AKAP17A: variants seen among roughly 807,000 people sequenced by gnomAD.
The protein encoded by AKAP17A is A-kinase anchor protein 17A.
Under a neutral mutation model 52.2 loss-of-function variants are expected in AKAP17A, and 15 were observed. The ratio of observed to expected loss-of-function variants is 0.29; its 90% CI spans 0.19 to 0.44. The LOEUF is 0.44. AKAP17A is among the 20% of genes least tolerant of loss of function. AKAP17A has a pLI of 1.00. For missense variants in AKAP17A, 1,060 were observed against 1,007.0 expected, an observed-to-expected ratio of 1.05 and a Z score of -0.71; for synonymous variants, 514 against 424.7, an observed-to-expected ratio of 1.21 and a Z score of -2.58.
At chrX:1,592,348 G>A (rs1453189221) in intron 1 of AKAP17A, among the ~76,000 whole-genome samples, 8 of 152,020 alleles carry the variant, frequency 5.3e-5, no homozygotes, top group Non-Finnish European at 1.2e-4. Context: ...ATGCTGGGGG[G>A]CTGCGGTAGG....
At chrX:1,597,792 G>A (rs1187633077) in intron 3 of AKAP17A, among the ~76,000 whole-genome samples, 1 of 152,094 alleles carries the variant, frequency 6.6e-6, no homozygotes, top group Non-Finnish European at 1.5e-5. Flanking sequence ...AAGGGACCCC[G>A]TCTGCCTGGC....
At chrX:1,599,112 T>C (rs1436312499) in intron 3 of AKAP17A, 80 bp from the exon 4 acceptor site, 1 of 1,560,116 alleles carries the variant, frequency 6.4e-7, no homozygotes, top group East Asian at 2.3e-5. Context: ...TGTTCCGCCG[T>C]GTTTGGAAAG....
intron 2 of AKAP17A, among the ~76,000 whole-genome samples, chrX:1,594,881 T>G (rs1932911860): frequency 6.6e-6 from 1 of 152,164 alleles, no homozygotes; most frequent in Non-Finnish European, 1.5e-5. Context: ...CCTCCCAAAG[T>G]GCTGGGATTA....
At chrX:1,596,142 A>G (rs1932965488) in intron 3 of AKAP17A, among the ~76,000 whole-genome samples, 1 of 151,186 alleles carries the variant, frequency 6.6e-6, no homozygotes, top group Non-Finnish European at 1.5e-5. Flanking sequence ...AACAAGCAGA[A>G]TGCCTTGGCT....
In AKAP17A at chrX:1,601,676, C is replaced by T. The variant is rs1448210108; in HGVS notation, c.*82C>T. On this transcript the variant is annotated 3_prime_UTR_variant, in exon 5 of 5. Coordinates refer to ENST00000313871, the MANE Select transcript of AKAP17A (RefSeq NM_005088.3). Reference sequence around the variant, plus strand: ...TCCTGGCCGCTCCTTGGCCGCTCTCCGTCCACCCCTGCAAAGCCAAGACCC... The same window carrying T: ...TCCTGGCCGCTCCTTGGCCGCTCTCTGTCCACCCCTGCAAAGCCAAGACCC... 3.1e-5 allele frequency: 40 copies of T among 1,293,224 alleles called. No homozygotes were observed. The highest frequency in any genetic ancestry group is 5.8e-5 in the East Asian group (2 of 34,476). 80.1% of individuals were successfully genotyped at this position (1,293,224 alleles called of 1,614,324 possible).
chrX:1,591,940 A>G (rs7877519), intron 1 of AKAP17A, among the ~76,000 whole-genome samples, 171 bp downstream of exon 1: 9,470 of 100,820 alleles, frequency 0.094, 692 homozygotes, highest in African/African-American at 0.23. Flanking sequence ...AGCGCCTGAA[A>G]CTGTACGGGG....
intron 3 of AKAP17A, among the ~76,000 whole-genome samples, chrX:1,596,897 T>A (rs2149442745): frequency 1.4e-5 from 2 of 147,582 alleles, no homozygotes; most frequent in African/African-American, 5.1e-5. Context: ...TCTCCGTCCC[T>A]CCCACCCTCC....
Position 1,593,741 on chromosome X carries a change from G to C in AKAP17A, c.279G>C (p.Leu93=). 6.2e-7 allele frequency: 1 copy of C among 1,613,972 alleles called. No individual in the cohort carries two copies. Among genetic ancestry groups the C allele is most frequent in the African/African-American group, 1.3e-5 (1 of 75,044 alleles). Residue 93 remains leucine, a synonymous_variant, in exon 2 of 5, where the codon CTG becomes CTC. Transcript: ENST00000313871. ...VENKSLVKSF[L]ACLDGKTIKL... ...ACAAGAGCCTGGTCAAGTCTTTTCTGGCCTGCCTGGACGGCAAGACCATCA... is the reference window on the plus strand; with the variant it reads ...ACAAGAGCCTGGTCAAGTCTTTTCTCGCCTGCCTGGACGGCAAGACCATCA...
rs146940225 is a variant in AKAP17A, at chrX:1,601,224, G to A, written c.1718G>A (p.Arg573Gln). The A allele has an allele frequency of 6.5e-4, 1,049 of 1,613,848 alleles. 1 individual carries two copies. The highest frequency in any genetic ancestry group is 1.2e-3 in the Middle Eastern group (7 of 6,054). Residue 573 changes from arginine (R) to glutamine (Q), a missense_variant, in exon 5 of 5, where the codon CGG becomes CAG. Around this residue, in one of 2 missense-constraint regions of AKAP17A, gnomAD observed 793 missense variants for 629.9 expected, o/e 1.26. Transcript: ENST00000313871. ...CEQNVSRKDT[R>Q]SEQDKCNREP... ...CAGAATGTCTCCAGAAAGGACACCC[G>A]GTCAGAACAGGACAAGTGCAACCGG...
At position 1,601,470 on chromosome X, in the gene AKAP17A, A is replaced by C; in HGVS notation, c.1964A>C (p.His655Pro). 1 of 1,571,500 alleles carries C rather than the reference A, an allele frequency of 6.4e-7. No individual in the cohort carries two copies. Among genetic ancestry groups the C allele is most frequent in the East Asian group, 2.3e-5 (1 of 44,268 alleles). ...CGGAGGTCCCACAGCAAAGACAGGC[A>C]CCGGAGGGAGCGGAGCCGGGAGCGG... is the stretch of plus-strand genomic sequence containing the variant. ...RSRRSHSKDR[H>P]RRERSRERRG... The change falls in exon 5 of 5, where the codon CAC (histidine) becomes CCC (proline). Residue 655 changes from histidine to proline, a missense_variant. His to Pro is a moderately conservative substitution (Grantham distance 77). This residue lies in a region of AKAP17A where 793 missense variants were observed against 629.9 expected (regional missense o/e 1.26). Transcript: ENST00000313871.
rs774643011 is a variant in AKAP17A, at chrX:1,595,497, G to A, written c.876G>A (p.Glu292=). The change falls in exon 3 of 5, where the codon GAG becomes GAA. Residue 292 remains glutamate (E), a synonymous_variant. Coordinates refer to ENST00000313871, the MANE Select transcript of AKAP17A (RefSeq NM_005088.3). Reference sequence around the variant, plus strand: ...AAAGAGAAGAACAAAAGCGCAGAGAGAAGGAAGCGGAGGAGAGGCAGCGAG... The same window carrying A: ...AAAGAGAAGAACAAAAGCGCAGAGAAAAGGAAGCGGAGGAGAGGCAGCGAG... ...EQQREEQKRR[E]KEAEERQRAE... 8.1e-6 allele frequency: 13 copies of A among 1,613,994 alleles called. No homozygotes were observed. In the South Asian group the frequency reaches 1.4e-4, roughly 18 times the overall value.
At position 1,595,416 on chromosome X, in the gene AKAP17A, T is replaced by C; in HGVS notation, c.795T>C (p.Asp265=). Reference sequence around the variant, plus strand: ...TTGATTCGACCAAACACCTGAGTGATGCCTCAATTAAGAAGCGGCAGCTGG... The same window carrying C: ...TTGATTCGACCAAACACCTGAGTGACGCCTCAATTAAGAAGCGGCAGCTGG... ...VSFDSTKHLS[D]ASIKKRQLER... Residue 265 remains aspartate (D), a synonymous_variant, in exon 3 of 5, where the codon GAT becomes GAC. Coordinates refer to ENST00000313871, the MANE Select transcript of AKAP17A (RefSeq NM_005088.3). 2.5e-6 allele frequency: 4 copies of C among 1,614,016 alleles called. No homozygotes were observed. Among genetic ancestry groups the C allele is most frequent in the Non-Finnish European group, 3.4e-6 (4 of 1,179,890 alleles).
At chrX:1,600,358 C>T (rs1286130280) in intron 4 of AKAP17A, 11 of 636,618 alleles carry the variant, frequency 1.7e-5, no homozygotes, top group African/African-American at 1.5e-4. Flanking sequence ...GTGGGGCTCC[C>T]GGCAGGGCTC....
At chrX:1,595,191 G>A (rs1409149523) in intron 2 of AKAP17A, among the ~76,000 whole-genome samples, 193 bp from the exon 3 acceptor site, 1 of 151,654 alleles carries the variant, frequency 6.6e-6, no homozygotes, top group Non-Finnish European at 1.5e-5. Context: ...CACTGATGGT[G>A]ACTTGAAGGG....
intron 3 of AKAP17A, among the ~76,000 whole-genome samples, chrX:1,598,423 G>A (rs1348309013): frequency 4.6e-5 from 7 of 152,150 alleles, no homozygotes; most frequent in African/African-American, 1.7e-4. Context: ...GGGCTTTGTG[G>A]CCTCACTAGG....
In AKAP17A at chrX:1,595,029, G is replaced by A. The variant is rs185397493; in HGVS notation, c.763-355G>A. On this transcript the variant is annotated intron_variant, in intron 2 of 4. Coordinates refer to ENST00000313871, the MANE Select transcript of AKAP17A (RefSeq NM_005088.3). ...TGGGTGTGGGCAGGCGGCCTGCTCA[G>A]TGACTGTGGCCACAGGGAATGGTGG... 1.3e-3 allele frequency among the ~76,000 whole-genome samples: 195 copies of A among 152,372 alleles called. 4 individuals are homozygous for A. Among genetic ancestry groups the A allele is most frequent in the South Asian group, 0.012 (57 of 4,830 alleles).
In AKAP17A at chrX:1,601,492, G is replaced by C. The variant is rs1457177532; in HGVS notation, c.1986G>C (p.Glu662Asp). 6.4e-7 allele frequency: 1 copy of C among 1,550,438 alleles called. No individual in the cohort carries two copies. The highest frequency in any genetic ancestry group is 1.4e-5 in the African/African-American group (1 of 73,238). Residue 662 changes from glutamate (E) to aspartate (D), a missense_variant, in exon 5 of 5, where the codon GAG becomes GAC. Glu to Asp is a conservative substitution (Grantham distance 45). Coordinates refer to ENST00000313871, the MANE Select transcript of AKAP17A (RefSeq NM_005088.3). ...KDRHRRERSR[E>D]RRGSASRKHS... The stretch of plus-strand genomic sequence containing the variant: ...GGCACCGGAGGGAGCGGAGCCGGGA[G>C]CGGAGGGGCAGCGCCAGCAGGAAGC...
rs1226055531 is a variant in AKAP17A at position 1,601,543 on chromosome X, G to A, written c.2037G>A (p.Glu679=). The A allele has an allele frequency of 1.8e-5, 27 of 1,476,718 alleles. No homozygotes were observed. Among genetic ancestry groups the A allele is most frequent in the Non-Finnish European group, 2.2e-5 (25 of 1,123,550 alleles). The allele number at this position is 1,476,718 out of a possible 1,614,324, so 91.5% of individuals were successfully genotyped here. A position where few individuals can be genotyped will look rare whatever the true frequency, so the allele number is the denominator to read the frequency against. ...ACAGCCGCCACCGCCGCCGAAGCGA[G>A]CGGTCGCGCTCCCGGTCCCCGAGCA... is the stretch of plus-strand genomic sequence containing the variant. ...RKHSRHRRRS[E]RSRSRSPSRH... is the part of the protein sequence containing the mutation. Residue 679 remains glutamate (E), a synonymous_variant, in exon 5 of 5, where the codon GAG becomes GAA. Transcript: ENST00000313871.
chrX:1,599,999 C>A, intron 4 of AKAP17A: 1 of 494,060 alleles, frequency 2.0e-6, no homozygotes. Context: ...TGGTAACTCC[C>A]ATGAGCCCGG....
Sources: gnomAD v4.1 joint callset for allele counts (sites outside exome capture counted in the v4.1 genomes callset) on GRCh38, gnomAD v4.1.1 for gene constraint, gnomAD v4.1.1 regional missense constraint, MANE v1.5 for transcripts, NCBI Gene and HGNC (gene_info 2026-07-23, HGNC 2026-07-21) for gene names.